Variants in TECTA observed in about 807,000 individuals in gnomAD.
The protein encoded by TECTA is tectorin alpha, also known as alpha-tectorin.
Under a neutral mutation model 216.8 loss-of-function variants are expected in TECTA, and 128 were observed. That is an observed-to-expected ratio of 0.59 (90% CI 0.51 to 0.68). TECTA has a LOEUF of 0.68. TECTA is among the 30% of genes least tolerant of loss of function. The pLI is 0.00. For missense variants in TECTA, 2,551 were observed against 2,786.2 expected (o/e 0.92, Z 1.90); for synonymous variants, 1,089 against 1,117.1 (o/e 0.97, Z 0.50).
At chr11:121,159,807 A>C (rs1946980055) in intron 14 of TECTA, among the ~76,000 whole-genome samples, 1 of 151,944 alleles carries the variant, frequency 6.6e-6, no homozygotes, top group Non-Finnish European at 1.5e-5. Flanking sequence ...CTTATCTCTC[A>C]CCTCCTCTCC....
At chr11:121,172,294 C>T (rs1485698851) in intron 20 of TECTA, among the ~76,000 whole-genome samples, 2 of 151,896 alleles carry the variant, frequency 1.3e-5, no homozygotes, top group African/African-American at 2.4e-5. Flanking sequence ...CCCATTAACT[C>T]GTCATTTAGC....
Position 121,105,717 on chromosome 11 carries a change from G to T in TECTA, c.65-114G>T. On this transcript the variant is annotated intron_variant, in intron 2 of 23. Coordinates refer to ENST00000392793, the MANE Select transcript of TECTA (RefSeq NM_005422.4). The surrounding 1 kb of genome is among the most constrained non-coding windows in gnomAD (Gnocchi z 5.3). ...GATGAATGACAGGGCAGTATGACTTGCATTCAGCTTGCAAGCCCTACTGAA... is the reference window on the plus strand; with the variant it reads ...GATGAATGACAGGGCAGTATGACTTTCATTCAGCTTGCAAGCCCTACTGAA... The T allele has an allele frequency of 7.4e-7, 1 of 1,349,874 alleles. No individual in the cohort carries two copies. The highest frequency in any genetic ancestry group is 1.2e-5 in the South Asian group (1 of 81,506). 83.6% of individuals were successfully genotyped at this position (1,349,874 alleles called of 1,614,324 possible). A position where few individuals can be genotyped will look rare whatever the true frequency, so the allele number is the denominator to read the frequency against.
intron 13 of TECTA, among the ~76,000 whole-genome samples, chr11:121,156,202 T>C (rs1946939609): frequency 6.6e-6 from 1 of 152,144 alleles, no homozygotes; most frequent in African/African-American, 2.4e-5. Flanking sequence ...TGAGACAGGG[T>C]CTCACTCTGT....
intron 20 of TECTA, among the ~76,000 whole-genome samples, chr11:121,183,106 G>T (rs1320028530): frequency 1.3e-5 from 2 of 152,172 alleles, no homozygotes; most frequent in Non-Finnish European, 2.9e-5. Flanking sequence ...GTAGGACACT[G>T]TGTGGGTTAG....
At chr11:121,169,045 G>A in intron 20 of TECTA, 120 bp downstream of exon 20, 1 of 1,496,370 alleles carries the variant, frequency 6.7e-7, no homozygotes, top group South Asian at 1.2e-5. Context: ...CCAGAATTTT[G>A]CATTTATTAA....
chr11:121,151,526 A>T (rs1054588616), intron 12 of TECTA, among the ~76,000 whole-genome samples: 1 of 152,240 alleles, frequency 6.6e-6, no homozygotes, highest in African/African-American at 2.4e-5. Flanking sequence ...GCATACATGT[A>T]TGCTTATGTG....
chr11:121,179,970 GT>G (rs1241501162), intron 20 of TECTA, among the ~76,000 whole-genome samples: 1 of 123,800 alleles, frequency 8.1e-6, no homozygotes, highest in Non-Finnish European at 1.8e-5. Flanking sequence ...TTGTTTGTTT[GT>G]TTGTTTTTTT....
chr11:121,119,004 C>CACACAAACACACAT (rs1434470396), intron 7 of TECTA, among the ~76,000 whole-genome samples: 25 of 119,918 alleles, frequency 2.1e-4, no homozygotes, highest in African/African-American at 1.3e-3. Flanking sequence ...CACACACACA[C>CACACAAACACACAT]ACACACACAC....
chr11:121,104,256 T>A (rs944493658), intron 2 of TECTA, among the ~76,000 whole-genome samples: 5 of 152,154 alleles, frequency 3.3e-5, no homozygotes, highest in East Asian at 1.9e-4. Flanking sequence ...AGATTTTTTT[T>A]AATTAGTACT....
intron 21 of TECTA, among the ~76,000 whole-genome samples, chr11:121,188,661 A>G (rs1591473904): frequency 6.6e-6 from 1 of 152,254 alleles, no homozygotes; most frequent in African/African-American, 2.4e-5. Flanking sequence ...CCTGGCCCCT[A>G]GCCTTTAACA....
At chr11:121,114,323 G>A (rs600937) in intron 6 of TECTA, among the ~76,000 whole-genome samples, 109,211 of 152,090 alleles carry the variant, frequency 0.72, 40,009 homozygotes, top group Non-Finnish European at 0.8. Context: ...TTGAACCTGG[G>A]TGGATGTCCT....
chr11:121,177,570 T>G (rs533045919), intron 20 of TECTA, among the ~76,000 whole-genome samples: 1 of 152,150 alleles, frequency 6.6e-6, no homozygotes, highest in Non-Finnish European at 1.5e-5. Flanking sequence ...CCGTGTGAGG[T>G]GTCAGTCTGC....
rs1947075210 is a variant in TECTA, at chr11:121,168,229, C to T, written c.5750+12C>T. 6.2e-7 allele frequency: 1 copy of T among 1,614,000 alleles called. No individual in the cohort carries two copies. Among genetic ancestry groups the T allele is most frequent in the Non-Finnish European group, 8.5e-7 (1 of 1,179,978 alleles). On this transcript the variant is annotated intron_variant, in intron 19 of 23. Coordinates refer to ENST00000392793, the MANE Select transcript of TECTA (RefSeq NM_005422.4). ...AAGCCTATGCTAAGGTAAGGTGTCT[C>T]CTGGGCTGTGCACATTGCTTTTTCT... is the stretch of plus-strand genomic sequence containing the variant.
rs1479076552 is a variant in TECTA, at chr11:121,118,698, G to A, written c.1183G>A (p.Gly395Arg). The change falls in exon 7 of 24, where the codon GGA becomes AGA. Residue 395 changes from glycine (G) to arginine (R), a missense_variant. This residue lies in a region of TECTA where 2,375 missense variants were observed against 2,563.9 expected (regional missense o/e 0.93). Coordinates refer to ENST00000392793, the MANE Select transcript of TECTA (RefSeq NM_005422.4). ...VNGYKILIPK[G>R]SYGRVKVNDL... ...TGGCTACAAGATTCTCATCCCCAAAGGAAGCTATGGAAGAGTCAAGGTGAG... is the reference window on the plus strand; with the variant it reads ...TGGCTACAAGATTCTCATCCCCAAAAGAAGCTATGGAAGAGTCAAGGTGAG... 6.2e-7 allele frequency: 1 copy of A among 1,613,724 alleles called. No homozygotes were observed. The highest frequency in any genetic ancestry group is 1.7e-5 in the Admixed American group (1 of 60,006).
chr11:121,150,643 ATTTTTTT>A (rs202043512), intron 12 of TECTA, among the ~76,000 whole-genome samples: 1 of 127,948 alleles, frequency 7.8e-6, no homozygotes, highest in Non-Finnish European at 1.6e-5. Context: ...GCCTATTTTA[ATTTTTTT>A]TTTTTTTTTT....
intron 3 of TECTA, among the ~76,000 whole-genome samples, chr11:121,106,992 T>C (rs1439638232): frequency 6.6e-6 from 1 of 152,218 alleles, no homozygotes; most frequent in African/African-American, 2.4e-5. Flanking sequence ...TGAGAACCAC[T>C]GATCTCAACC....
Position 121,109,509 on chromosome 11 carries a change from A to C in TECTA, c.486+11A>C. On this transcript the variant is annotated intron_variant, in intron 4 of 23. Transcript: ENST00000392793. ...AGCAGCACCACACCTGTAATAATTC[A>C]AATTTTCTGCTTTCCACTTCATAAC... 6.2e-7 allele frequency: 1 copy of C among 1,614,116 alleles called. No homozygotes were observed. The highest frequency in any genetic ancestry group is 1.1e-5 in the South Asian group (1 of 91,078).
Position 121,125,810 on chromosome 11 carries a change from A to T in TECTA, c.1712A>T (p.Tyr571Phe). Residue 571 changes from tyrosine to phenylalanine, a missense_variant, in exon 8 of 24, where the codon TAT becomes TTT. Transcript: ENST00000392793. ...GTLLCQAIQA[Y>F]ALVCQALGIP... ...CTCCTCTGCCAAGCCATCCAGGCCTATGCTCTTGTGTGCCAAGCCCTTGGC... is the reference window on the plus strand; with the variant it reads ...CTCCTCTGCCAAGCCATCCAGGCCTTTGCTCTTGTGTGCCAAGCCCTTGGC... 1 of 1,613,878 alleles carries T rather than the reference A, an allele frequency of 6.2e-7. No individual in the cohort carries two copies. The highest frequency in any genetic ancestry group is 8.5e-7 in the Non-Finnish European group (1 of 1,180,038).
Position 121,145,763 on chromosome 11 carries a change from A to T in TECTA, c.3752A>T (p.Asp1251Val). Residue 1251 changes from aspartate to valine, a missense_variant, in exon 12 of 24, where the codon GAC becomes GTC. Asp to Val is a radical substitution (Grantham distance 152). Around this residue, in one of 3 missense-constraint regions of TECTA, gnomAD observed 2,375 missense variants for 2,563.9 expected, o/e 0.93. Transcript: ENST00000392793. The stretch of plus-strand genomic sequence containing the variant: ...CGCTACAACGGCAACCCTGATGATG[A>T]CCTGGAGATGCCCATGGGTCTGCTT... ...CGRYNGNPDD[D>V]LEMPMGLLAS... 6.2e-7 allele frequency: 1 copy of T among 1,614,204 alleles called. No homozygotes were observed. The highest frequency in any genetic ancestry group is 2.2e-5 in the East Asian group (1 of 44,884).
Sources: allele counts gnomAD v4.1 joint callset (sites outside exome capture counted in the v4.1 genomes callset), GRCh38; gene constraint gnomAD v4.1.1; regional missense constraint gnomAD v4.1.1; non-coding constraint Gnocchi (gnomAD v3.1); transcripts MANE v1.5; gene names NCBI Gene and HGNC (gene_info 2026-07-23, HGNC 2026-07-21).